Variants in ACSBG1 observed in about 807,000 individuals in gnomAD.
The protein encoded by ACSBG1 is acyl-CoA synthetase bubblegum family member 1.
In ACSBG1, 39 loss-of-function variants were observed where a neutral mutation model predicts 80.2. The observed-to-expected ratio is 0.49, with a 90% CI of 0.38 to 0.64. The LOEUF is 0.64. Ranked by LOEUF, ACSBG1 falls within the 30% of genes least tolerant of loss-of-function variation. ACSBG1 has a pLI of 0.00. For missense variants in ACSBG1, 828 were observed against 966.4 expected (o/e 0.86, Z 1.90); for synonymous variants, 392 against 379.5 (o/e 1.03, Z -0.38).
Position 78,207,997 on chromosome 15 carries a change from C to T in ACSBG1, c.232+5G>A, listed in dbSNP as rs1208908325. 1 of 1,141,956 alleles carries T rather than the reference C, an allele frequency of 8.8e-7. No individual in the cohort carries two copies. The highest frequency in any genetic ancestry group is 4.3e-5 in the East Asian group (1 of 23,114). 70.7% of individuals were successfully genotyped at this position (1,141,956 alleles called of 1,614,324 possible). On this transcript the variant is annotated splice_donor_5th_base_variant and intron_variant, in intron 2 of 13. Coordinates refer to ENST00000258873, the MANE Select transcript of ACSBG1 (RefSeq NM_015162.5). ...GCCCCACCCTACCACCCCCAGCTGG[C>T]TTACCTGGAGCATCCCACTGGGCAT...
At chr15:78,227,126 C>T (rs762043147) in intron 1 of ACSBG1, among the ~76,000 whole-genome samples, 6 of 144,064 alleles carry the variant, frequency 4.2e-5, no homozygotes, top group Admixed American at 2.2e-4. Context: ...GGCTGAGCCA[C>T]GAGAATTGCT....
intron 2 of ACSBG1, among the ~76,000 whole-genome samples, chr15:78,196,020 CG>C (rs1486107995): frequency 2.6e-5 from 4 of 152,184 alleles, no homozygotes; most frequent in African/African-American, 9.6e-5. Context: ...TGTGGAGGGC[CG>C]GAAGTAGGGA....
At chr15:78,221,740 C>CT (rs2075361468) in intron 1 of ACSBG1, among the ~76,000 whole-genome samples, 1 of 152,196 alleles carries the variant, frequency 6.6e-6, no homozygotes, top group African/African-American at 2.4e-5. Context: ...GTCCCTGCGG[C>CT]TTTCTGCAGT....
chr15:78,169,167 A>G lies in ACSBG1; in HGVS notation c.*2277T>C, dbSNP rs1339831151. On this transcript the variant is annotated 3_prime_UTR_variant, in exon 14 of 14. Transcript: ENST00000258873. ...AAATCTGTGCAAAAGATGCAGGTGG[A>G]TGTCCCTAGGTCTGTTTTCAAAGAA... is the stretch of plus-strand genomic sequence containing the variant. 4.3e-6 allele frequency: 2 copies of G among 464,704 alleles called. No individual in the cohort carries two copies. The highest frequency in any genetic ancestry group is 7.7e-6 in the Non-Finnish European group (2 of 259,866). The allele number at this position is 464,704 out of a possible 1,614,324, so 28.8% of individuals were successfully genotyped here. A position where few individuals can be genotyped will look rare whatever the true frequency, so the allele number is the denominator to read the frequency against.
intron 1 of ACSBG1, among the ~76,000 whole-genome samples, chr15:78,216,688 G>A (rs1409106451): frequency 6.6e-6 from 1 of 152,110 alleles, no homozygotes; most frequent in African/African-American, 2.4e-5. Flanking sequence ...CCCAAAGGAA[G>A]TGTGTTTGCT....
At chr15:78,190,611 T>C (rs2075048623) in intron 5 of ACSBG1, among the ~76,000 whole-genome samples, 1 of 151,354 alleles carries the variant, frequency 6.6e-6, no homozygotes, top group Admixed American at 6.6e-5. Flanking sequence ...ACTCAACTGT[T>C]GAAAGCAAGA....
chr15:78,181,003 C>T (rs1384261166), intron 8 of ACSBG1, 67 bp from the exon 9 acceptor site: 28 of 1,558,816 alleles, frequency 1.8e-5, no homozygotes, highest in Non-Finnish European at 2.3e-5. Flanking sequence ...TCCCCTCTTA[C>T]CAGCCAGGCA....
chr15:78,182,245 C>T (rs1312144033), intron 7 of ACSBG1, 100 bp from the exon 8 acceptor site: 4 of 1,458,402 alleles, frequency 2.7e-6, no homozygotes, highest in Non-Finnish European at 3.7e-6. Context: ...TGTGGTGCCC[C>T]CTGTGGCGAT....
chr15:78,232,596 A>G (rs1257959536), intron 1 of ACSBG1, among the ~76,000 whole-genome samples: 1 of 152,112 alleles, frequency 6.6e-6, no homozygotes, highest in Non-Finnish European at 1.5e-5. Context: ...GAGATCCTGC[A>G]GACCTTGATT....
rs1405983806 is a variant in ACSBG1 at position 78,173,749 on chromosome 15, T to C, written c.1933A>G (p.Thr645Ala). The C allele has an allele frequency of 6.2e-7, 1 of 1,614,212 alleles. No homozygotes were observed. The highest frequency in any genetic ancestry group is 1.7e-5 in the Admixed American group (1 of 60,026). The change falls in exon 13 of 14, where the codon ACA becomes GCA. Residue 645 changes from threonine (T) to alanine (A), a missense_variant. Transcript: ENST00000258873. Reference sequence around the variant, plus strand: ...TTCTTCTCTATGATCTCGGACACTGTGGTGGCTCTGCTGCCCACCCTCTGG... The same window carrying C: ...TTCTTCTCTATGATCTCGGACACTGCGGTGGCTCTGCTGCCCACCCTCTGG... Reference protein sequence around the residue: ...FCQRVGSRATTVSEIIEKKDE... With the variant: ...FCQRVGSRATAVSEIIEKKDE...
intron 2 of ACSBG1, among the ~76,000 whole-genome samples, chr15:78,204,017 G>C (rs1371455149): frequency 6.6e-6 from 1 of 152,216 alleles, no homozygotes; most frequent in Non-Finnish European, 1.5e-5. Context: ...GACATGAAGA[G>C]AGATAAGGAC....
intron 5 of ACSBG1, among the ~76,000 whole-genome samples, chr15:78,187,693 C>G (rs1459598590): frequency 6.6e-6 from 1 of 152,118 alleles, no homozygotes; most frequent in Non-Finnish European, 1.5e-5. Flanking sequence ...TAAGAGCTAT[C>G]TATGACAAAC....
chr15:78,177,177 C>T lies in ACSBG1; in HGVS notation c.1702+1437G>A, dbSNP rs896529824. On this transcript the variant is annotated intron_variant, in intron 11 of 13. Coordinates refer to ENST00000258873, the MANE Select transcript of ACSBG1 (RefSeq NM_015162.5). The surrounding 1 kb of genome is among the most constrained non-coding windows in gnomAD (Gnocchi z 4.1). ...TGGAAATGAAAATGGCCAAGAATAG[C>T]CAAGGTCATCTTGAAGAAGAAGAAG... 1.2e-4 allele frequency among the ~76,000 whole-genome samples: 18 copies of T among 152,094 alleles called. No individual in the cohort carries two copies. Among genetic ancestry groups the T allele is most frequent in the African/African-American group, 4.1e-4 (17 of 41,422 alleles).
At chr15:78,186,838 T>G (rs550318906) in intron 5 of ACSBG1, among the ~76,000 whole-genome samples, 5 of 152,172 alleles carry the variant, frequency 3.3e-5, no homozygotes, top group Admixed American at 1.3e-4. Context: ...CAGAACTGAA[T>G]GAAATAGAGA....
rs761405093 is a variant in ACSBG1, at chr15:78,199,089, TTTTTC to T, written c.233-4368_233-4364del. 6.4e-4 allele frequency among the ~76,000 whole-genome samples: 98 copies of T among 152,086 alleles called. 1 individual carries two copies. The highest frequency in any genetic ancestry group is 3.5e-3 in the East Asian group (18 of 5,154). ...TATAGAGACATGGAACAGCGCAATA[TTTTTC>T]TTTTCTTTTCTTTTCTTTCTTTCTT... On this transcript the variant is annotated intron_variant, in intron 2 of 13. Coordinates refer to ENST00000258873, the MANE Select transcript of ACSBG1 (RefSeq NM_015162.5).
At chr15:78,212,255 G>C (rs1487541065) in intron 1 of ACSBG1, among the ~76,000 whole-genome samples, 1 of 152,122 alleles carries the variant, frequency 6.6e-6, no homozygotes, top group African/African-American at 2.4e-5. Flanking sequence ...CCGAGTCACG[G>C]TTCCTCTCTG....
intron 2 of ACSBG1, among the ~76,000 whole-genome samples, chr15:78,204,064 A>G (rs759455106): frequency 1.3e-5 from 2 of 152,212 alleles, no homozygotes; most frequent in African/African-American, 4.8e-5. Flanking sequence ...GCTGTTCAGT[A>G]GTTCCTCTGT....
At position 78,227,464 on chromosome 15, in the gene ACSBG1, C is replaced by A. The variant is rs545841842; in HGVS notation, c.131+6907G>T. On this transcript the variant is annotated intron_variant, in intron 1 of 13. Coordinates refer to ENST00000258873, the MANE Select transcript of ACSBG1 (RefSeq NM_015162.5). ...AAGCACATGAAAATATGCTCAATATCATTGATCATCAGGGAAATTTAAATT... is the reference window on the plus strand; with the variant it reads ...AAGCACATGAAAATATGCTCAATATAATTGATCATCAGGGAAATTTAAATT... Among the ~76,000 whole-genome samples the A allele has an allele frequency of 6.6e-5, 10 of 152,138 alleles. No homozygotes were observed. In the East Asian group the frequency reaches 9.7e-4, roughly 15 times the overall value.
chr15:78,186,961 A>C (rs1043270594), intron 5 of ACSBG1, among the ~76,000 whole-genome samples: 25 of 152,220 alleles, frequency 1.6e-4, no homozygotes, highest in African/African-American at 6.0e-4. Context: ...AGAAGAATCA[A>C]ATAGACACAA....
Sources: gnomAD v4.1 joint callset for allele counts (sites outside exome capture counted in the v4.1 genomes callset) on GRCh38, gnomAD v4.1.1 for gene constraint, Gnocchi (gnomAD v3.1) non-coding constraint, MANE v1.5 for transcripts, NCBI Gene and HGNC (gene_info 2026-07-23, HGNC 2026-07-21) for gene names.